The following AUTS2 variants were observed in gnomAD, a reference collection of about 807,000 sequenced individuals.
The protein encoded by AUTS2 is autism susceptibility gene 2 protein.
AUTS2 carries 17 observed loss-of-function variants against 112.4 expected under a neutral mutation model. That is an observed-to-expected ratio of 0.15 (90% CI 0.10 to 0.23). AUTS2 has a LOEUF of 0.23. Among genes scored for constraint, AUTS2 ranks in the 10% least tolerant of loss-of-function variants. The probability of loss-of-function intolerance (pLI) is 1.00; values close to 1 mark genes in which losing one functional copy is unlikely to be tolerated. For missense variants in AUTS2, 1,510 were observed against 1,701.6 expected (o/e 0.89, Z 1.98); for synonymous variants, 751 against 702.7 (o/e 1.07, Z -1.09).
intron 2 of AUTS2, among the ~76,000 whole-genome samples, chr7:70,010,714 G>A (rs1380089616): frequency 1.3e-5 from 2 of 152,172 alleles, no homozygotes; most frequent in African/African-American, 4.8e-5. Flanking sequence ...TAATATGTTT[G>A]TTATGCATCA....
chr7:70,219,246 T>G (rs1040142475), intron 4 of AUTS2, among the ~76,000 whole-genome samples: 10 of 152,228 alleles, frequency 6.6e-5, no homozygotes, highest in African/African-American at 2.2e-4. Context: ...TAAGACACAA[T>G]GAGCATCAAG....
chr7:69,992,622 C>T (rs1435085166), intron 2 of AUTS2, among the ~76,000 whole-genome samples: 1 of 152,124 alleles, frequency 6.6e-6, no homozygotes, highest in African/African-American at 2.4e-5. Context: ...CTTTGGGAAG[C>T]CGAGGATTAT....
chr7:70,140,302 A>T (rs1806793424), intron 4 of AUTS2, among the ~76,000 whole-genome samples: 1 of 152,182 alleles, frequency 6.6e-6, no homozygotes, highest in South Asian at 2.1e-4. Context: ...GTTCGTTAGG[A>T]GCTGCAAAAT....
At chr7:69,939,582 G>A (rs1796544237) in intron 2 of AUTS2, among the ~76,000 whole-genome samples, 2 of 152,194 alleles carry the variant, frequency 1.3e-5, no homozygotes, top group Non-Finnish European at 2.9e-5. Flanking sequence ...CTGAAGCTAA[G>A]GGAGGATTAA....
At chr7:70,275,647 A>G (rs1454472357) in intron 4 of AUTS2, among the ~76,000 whole-genome samples, 7 of 152,136 alleles carry the variant, frequency 4.6e-5, no homozygotes, top group Non-Finnish European at 8.8e-5. Flanking sequence ...CATAATCCCC[A>G]TGTGTTGTGG....
chr7:70,605,330 T>C (rs1160175812), intron 5 of AUTS2, among the ~76,000 whole-genome samples: 1 of 152,278 alleles, frequency 6.6e-6, no homozygotes, highest in East Asian at 1.9e-4. Context: ...ATTGAAATAA[T>C]GGTCTGAAAA....
At chr7:70,157,446 A>G (rs1807841175) in intron 4 of AUTS2, among the ~76,000 whole-genome samples, 1 of 151,910 alleles carries the variant, frequency 6.6e-6, no homozygotes, top group South Asian at 2.1e-4. Context: ...TGCCTGGCTA[A>G]TTTTTTATTG....
intron 2 of AUTS2, among the ~76,000 whole-genome samples, chr7:70,070,334 A>C (rs1472452750): frequency 6.6e-6 from 1 of 150,914 alleles, no homozygotes; most frequent in East Asian, 2.0e-4. Context: ...GCACTTTGGG[A>C]GGCTGAGTTG....
At chr7:70,703,522 A>G (rs1021232547) in intron 6 of AUTS2, among the ~76,000 whole-genome samples, 35 of 149,886 alleles carry the variant, frequency 2.3e-4, no homozygotes, top group African/African-American at 8.6e-4. Context: ...AGGCCTTTCC[A>G]TAAAATAATT....
chr7:70,721,549 C>A (rs1786680842), intron 6 of AUTS2, among the ~76,000 whole-genome samples: 1 of 152,148 alleles, frequency 6.6e-6, no homozygotes, highest in Non-Finnish European at 1.5e-5. Flanking sequence ...ATCCACCCAC[C>A]TTCTTTTGTC....
chr7:70,159,232 T>C (rs909382875), intron 4 of AUTS2, among the ~76,000 whole-genome samples: 2 of 152,220 alleles, frequency 1.3e-5, no homozygotes, highest in African/African-American at 4.8e-5. Flanking sequence ...TCTCTCCTGC[T>C]GAATCCCTCA....
chr7:69,874,875 C>T (rs1188196367), intron 1 of AUTS2, among the ~76,000 whole-genome samples: 12 of 151,300 alleles, frequency 7.9e-5, no homozygotes, highest in East Asian at 1.9e-4. Flanking sequence ...TTCACCATGT[C>T]GGCCAGGCTG....
At chr7:70,068,651 T>A (rs1162547760) in intron 2 of AUTS2, among the ~76,000 whole-genome samples, 2 of 152,154 alleles carry the variant, frequency 1.3e-5, no homozygotes, top group Non-Finnish European at 2.9e-5. Context: ...ATACTTCGAG[T>A]GCAATTGATG....
chr7:70,345,110 A>G (rs1791436521), intron 4 of AUTS2, among the ~76,000 whole-genome samples: 1 of 152,186 alleles, frequency 6.6e-6, no homozygotes. Context: ...ACAGTCTGAA[A>G]GAATTTTGTA....
chr7:70,296,733 G>C (rs1381076812), intron 4 of AUTS2, among the ~76,000 whole-genome samples: 2 of 151,774 alleles, frequency 1.3e-5, no homozygotes, highest in Non-Finnish European at 2.9e-5. Flanking sequence ...ATAAATCATT[G>C]TGTACATCTG....
intron 4 of AUTS2, among the ~76,000 whole-genome samples, chr7:70,242,303 C>T (rs1375272224): frequency 6.6e-6 from 1 of 152,180 alleles, no homozygotes; most frequent in African/African-American, 2.4e-5. Context: ...GACCATCCAG[C>T]CTGCACCAGA....
chr7:70,306,071 G>T (rs748632498), intron 4 of AUTS2, among the ~76,000 whole-genome samples: 3 of 152,148 alleles, frequency 2.0e-5, no homozygotes, highest in Non-Finnish European at 4.4e-5. Context: ...TTTTATTTGG[G>T]AATCATAGAA....
At chr7:70,510,823 TTTTAA>T (rs1216295235) in intron 5 of AUTS2, among the ~76,000 whole-genome samples, 15 of 152,066 alleles carry the variant, frequency 9.9e-5, no homozygotes, top group African/African-American at 3.6e-4. Context: ...GTTTTCTCAG[TTTTAA>T]TTTATTTATT....
intron 2 of AUTS2, among the ~76,000 whole-genome samples, chr7:69,957,321 C>A (rs116022977): frequency 6.6e-5 from 10 of 151,672 alleles, no homozygotes; most frequent in African/African-American, 2.2e-4. Context: ...CAAACAGCGA[C>A]TATATAGTCA....
Sources: gnomAD v4.1 joint callset for allele counts (sites outside exome capture counted in the v4.1 genomes callset) on GRCh38, gnomAD v4.1.1 for gene constraint, MANE v1.5 for transcripts, NCBI Gene and HGNC (gene_info 2026-07-23, HGNC 2026-07-21) for gene names.